The following EIF2AK3 variants were observed in gnomAD, a reference collection of about 807,000 sequenced individuals.
EIF2AK3 encodes the protein eukaryotic translation initiation factor 2-alpha kinase 3.
Under a neutral mutation model 113.5 loss-of-function variants are expected in EIF2AK3, and 50 were observed. The observed-to-expected ratio is 0.44, with a 90% confidence interval of 0.35 to 0.56. The LOEUF is 0.56. Ranked by LOEUF, EIF2AK3 falls within the 20% of genes least tolerant of loss-of-function variation. EIF2AK3 has a pLI of 0.00. For missense variants in EIF2AK3, 1,185 were observed against 1,378.0 expected, an observed-to-expected ratio of 0.86 and a Z score of 2.22; for synonymous variants, 448 against 495.4, an observed-to-expected ratio of 0.90 and a Z score of 1.27.
At position 88,586,038 on chromosome 2, in the gene EIF2AK3, A is replaced by C. The variant is rs1223004994; in HGVS notation, c.1453T>G (p.Tyr485Asp). 1 of 1,614,042 alleles carries C rather than the reference A, an allele frequency of 6.2e-7. No individual in the cohort carries two copies. The change falls in exon 9 of 17, where the codon TAC becomes GAC. Residue 485 changes from tyrosine to aspartate, a missense_variant. By Grantham distance (160) the Tyr-to-Asp change is radical. This residue lies in a region of EIF2AK3 where 877 missense variants were observed against 1,024.2 expected (regional missense o/e 0.86). Transcript: ENST00000303236. ...PYDNGYYLPY[Y>D]KRERNKRSTQ... ...CTTCGTTTGTTCCTCTCCCTCTTGT[A>C]GTATGGTAGATAATAACCATTATCT...
intron 15 of EIF2AK3, among the ~76,000 whole-genome samples, chr2:88,562,003 GA>G (rs1673976217): frequency 6.6e-6 from 1 of 152,284 alleles, no homozygotes; most frequent in East Asian, 1.9e-4. Context: ...GGTTCCCCTA[GA>G]TTTTTACTTA....
intron 15 of EIF2AK3, among the ~76,000 whole-genome samples, chr2:88,559,206 A>C (rs1039848416): frequency 6.6e-6 from 1 of 152,212 alleles, no homozygotes; most frequent in Non-Finnish European, 1.5e-5. Context: ...CAGATTCCAC[A>C]TCCAAGGATT....
chr2:88,595,600 G>T lies in EIF2AK3; in HGVS notation c.502C>A (p.Arg168Ser), dbSNP rs762206822. Reference sequence around the variant, plus strand: ...AAAGGAACTGTTTCCATGCTTTCACGGTCTTGGTCCCACTGGAAGAGGGCT... The same window carrying T: ...AAAGGAACTGTTTCCATGCTTTCACTGTCTTGGTCCCACTGGAAGAGGGCT... ...DGALFQWDQD[R>S]ESMETVPFTV... The change falls in exon 3 of 17, where the codon CGT (arginine) becomes AGT (serine). Residue 168 changes from arginine (R) to serine (S), a missense_variant. By Grantham distance (110) the Arg-to-Ser change is moderately radical (BLOSUM62 -1). Transcript: ENST00000303236. 5.6e-6 allele frequency: 9 copies of T among 1,613,808 alleles called. No homozygotes were observed. Among genetic ancestry groups the T allele is most frequent in the Non-Finnish European group, 7.6e-6 (9 of 1,179,864 alleles).
chr2:88,605,891 C>T (rs1236944596), intron 2 of EIF2AK3, among the ~76,000 whole-genome samples: 2 of 152,038 alleles, frequency 1.3e-5, no homozygotes, highest in Non-Finnish European at 2.9e-5. Context: ...GGAATCATAC[C>T]TGAAAGACAA....
intron 7 of EIF2AK3, 29 bp downstream of exon 7, chr2:88,588,732 G>A (rs1226798147): frequency 5.6e-6 from 9 of 1,612,734 alleles, no homozygotes; most frequent in Non-Finnish European, 7.6e-6. Context: ...AACACTAACA[G>A]TATTTAGAAA....
chr2:88,626,097 G>T (rs948636827), intron 1 of EIF2AK3, among the ~76,000 whole-genome samples: 1 of 152,066 alleles, frequency 6.6e-6, no homozygotes, highest in Non-Finnish European at 1.5e-5. Context: ...TTCTCCACGG[G>T]TGTGATAAGA....
At chr2:88,592,295 A>G (rs1007214403) in intron 4 of EIF2AK3, among the ~76,000 whole-genome samples, 3 of 152,210 alleles carry the variant, frequency 2.0e-5, no homozygotes, top group African/African-American at 7.2e-5. Context: ...ATGTTTTAAT[A>G]CTTCAAGAAA....
chr2:88,611,485 GT>G, intron 2 of EIF2AK3, among the ~76,000 whole-genome samples: 1 of 151,732 alleles, frequency 6.6e-6, no homozygotes, highest in South Asian at 2.1e-4. Flanking sequence ...TATCGCAGCT[GT>G]TTCAATACCT....
chr2:88,593,636 C>A (rs1384858353), intron 3 of EIF2AK3, among the ~76,000 whole-genome samples: 5 of 152,090 alleles, frequency 3.3e-5, no homozygotes, highest in African/African-American at 1.2e-4. Context: ...TAAGGATTTA[C>A]ATAATTTTAG....
At position 88,599,340 on chromosome 2, in the gene EIF2AK3, CA is replaced by C. The variant is rs562120163; in HGVS notation, c.439-3678del. On this transcript the variant is annotated intron_variant, in intron 2 of 16. Coordinates refer to ENST00000303236, the MANE Select transcript of EIF2AK3 (RefSeq NM_004836.7). ...CCTTCTATTTCCTGATAATAGATAACAAATTTTATTCTCAAAAATTAAAACC... is the reference window on the plus strand; with the variant it reads ...CCTTCTATTTCCTGATAATAGATAACAATTTTATTCTCAAAAATTAAAACC... 9.2e-5 allele frequency among the ~76,000 whole-genome samples: 14 copies of C among 152,114 alleles called. No homozygotes were observed. The South Asian group carries it at 2.7e-3, about 29-fold the overall frequency.
At chr2:88,615,912 C>T (rs1240202096) in intron 1 of EIF2AK3, among the ~76,000 whole-genome samples, 1 of 152,182 alleles carries the variant, frequency 6.6e-6, no homozygotes, top group Non-Finnish European at 1.5e-5. Flanking sequence ...GACCTTCACA[C>T]TGATAAATCC....
chr2:88,609,964 AAAAAAAAG>A (rs1394562050), intron 2 of EIF2AK3, among the ~76,000 whole-genome samples: 25 of 149,814 alleles, frequency 1.7e-4, no homozygotes, highest in Admixed American at 1.7e-3. Flanking sequence ...AAAAAAAAAA[AAAAAAAAG>A]GTAGCTGAGC....
intron 8 of EIF2AK3, among the ~76,000 whole-genome samples, chr2:88,586,570 A>G (rs1463648892): frequency 4.7e-5 from 7 of 148,496 alleles, no homozygotes; most frequent in Admixed American, 2.0e-4. Flanking sequence ...ACGTGGTCAG[A>G]CTACACAGTT....
intron 7 of EIF2AK3, 134 bp downstream of exon 7, chr2:88,588,627 C>A: frequency 2.2e-6 from 2 of 902,510 alleles, no homozygotes; most frequent in Non-Finnish European, 1.6e-6. Flanking sequence ...ATCTGAAATA[C>A]CATCATGGTT....
chr2:88,567,366 TGTAA>T (rs1558645054), intron 14 of EIF2AK3, among the ~76,000 whole-genome samples: 3 of 152,246 alleles, frequency 2.0e-5, no homozygotes, highest in Admixed American at 6.5e-5. Context: ...GTTTGTCGTC[TGTAA>T]GTGATACAGA....
chr2:88,626,937 G>A (rs370442302), intron 1 of EIF2AK3, 30 bp downstream of exon 1: 609 of 1,604,930 alleles, frequency 3.8e-4, no homozygotes, highest in Non-Finnish European at 5.0e-4. Flanking sequence ...GCGTAAACAA[G>A]TTGCCTCCCC....
chr2:88,605,924 TGATGATGCCCTAACG>T (rs1675260053), intron 2 of EIF2AK3, among the ~76,000 whole-genome samples: 1 of 152,062 alleles, frequency 6.6e-6, no homozygotes, highest in Non-Finnish European at 1.5e-5. Flanking sequence ...CACCATTAGA[TGATGATGCCCTAACG>T]GGAGGGGTAA....
At position 88,577,740 on chromosome 2, in the gene EIF2AK3, C is replaced by G. The variant is rs148025027; in HGVS notation, c.1887-1037G>C. Among the ~76,000 whole-genome samples the G allele has an allele frequency of 9.6e-3, 1,455 of 152,234 alleles. 24 individuals are homozygous for G. Among genetic ancestry groups the G allele is most frequent in the African/African-American group, 0.033 (1,390 of 41,534 alleles). On this transcript the variant is annotated intron_variant, in intron 11 of 16. Transcript: ENST00000303236. ...ATTCTTACCCTTTGTTCCATCTACTCCAGAACTCTCACCATTCTCCATACC... is the reference window on the plus strand; with the variant it reads ...ATTCTTACCCTTTGTTCCATCTACTGCAGAACTCTCACCATTCTCCATACC...
intron 2 of EIF2AK3, among the ~76,000 whole-genome samples, chr2:88,612,039 C>T (rs138631541): frequency 4.6e-5 from 7 of 152,174 alleles, no homozygotes; most frequent in African/African-American, 1.7e-4. Flanking sequence ...GAAAATGGTG[C>T]GAACTAAAGA....
Sources: gnomAD v4.1 joint callset for allele counts (sites outside exome capture counted in the v4.1 genomes callset) on GRCh38, gnomAD v4.1.1 for gene constraint, gnomAD v4.1.1 regional missense constraint, MANE v1.5 for transcripts, NCBI Gene and HGNC (gene_info 2026-07-23, HGNC 2026-07-21) for gene names.